ZNF830: variants seen among roughly 807,000 people sequenced by gnomAD.
ZNF830 encodes the protein coiled-coil domain containing 16.
A neutral mutation model predicts 28.1 loss-of-function variants in ZNF830; 15 were observed. The observed-to-expected ratio is 0.53, with a 90% CI of 0.36 to 0.82. The LOEUF is 0.82. Among genes scored for constraint, ZNF830 ranks in the 40% least tolerant of loss-of-function variants. The pLI, the probability that ZNF830 is intolerant of heterozygous loss-of-function variation, is 0.01. For missense variants in ZNF830, 456 were observed against 467.7 expected (o/e 0.97, Z 0.23); for synonymous variants, 208 against 185.3 (o/e 1.12, Z -0.99).
rs1396880462 is a variant in ZNF830 at position 34,963,095 on chromosome 17, A to G, written c.*410A>G. 5.8e-6 allele frequency: 1 copy of G among 171,410 alleles called. No homozygotes were observed. The highest frequency in any genetic ancestry group is 2.4e-5 in the African/African-American group (1 of 41,582). The allele number at this position is 171,410 out of a possible 1,614,324, so 10.6% of individuals were successfully genotyped here. ...GGAATGTATGTATCTTCTGAACCCT[A>G]CATCAAGTTGAAAAGGTTTGTTTTC... On this transcript the variant is annotated 3_prime_UTR_variant, in exon 1 of 1. Transcript: ENST00000361952.
At position 34,962,410 on chromosome 17, in the gene ZNF830, A is replaced by T; in HGVS notation, c.844A>T (p.Arg282Trp). ...KEWDEFQKAMRQVNTISEAIV... is the reference protein window; with the variant it reads ...KEWDEFQKAMWQVNTISEAIV... ...GTGGGACGAATTCCAAAAAGCCATG[A>T]GGCAGGTCAACACTATTTCCGAAGC... Residue 282 changes from arginine to tryptophan, a missense_variant, in exon 1 of 1, where the codon AGG becomes TGG. This residue lies in a region of ZNF830 where 125 missense variants were observed against 177.7 expected (regional missense o/e 0.70). Transcript: ENST00000361952. 1 of 1,614,224 alleles carries T rather than the reference A, an allele frequency of 6.2e-7. No homozygotes were observed. Among genetic ancestry groups the T allele is most frequent in the South Asian group, 1.1e-5 (1 of 91,084 alleles).
Position 34,961,688 on chromosome 17 carries a change from C to T in ZNF830, c.122C>T (p.Pro41Leu). 6.2e-7 allele frequency: 1 copy of T among 1,614,196 alleles called. No individual in the cohort carries two copies. The highest frequency in any genetic ancestry group is 8.5e-7 in the Non-Finnish European group (1 of 1,180,024). Residue 41 changes from proline to leucine, a missense_variant, in exon 1 of 1, where the codon CCA (proline) becomes CTA (leucine). Physicochemically the swap from Pro to Leu is moderately conservative, Grantham distance 98 (BLOSUM62 -3). Around this residue, in one of 2 missense-constraint regions of ZNF830, gnomAD observed 331 missense variants for 290.1 expected, o/e 1.14. Coordinates refer to ENST00000361952, the MANE Select transcript of ZNF830 (RefSeq NM_052857.4). The stretch of plus-strand genomic sequence containing the variant: ...ACCAGTCGGAAACGGATAGAATCTC[C>T]ATTCGCGAAGTACAACCGTTTGGGG... ...LSTSRKRIES[P>L]FAKYNRLGQL...
Position 34,962,969 on chromosome 17 carries a change from T to C in ZNF830, c.*284T>C, listed in dbSNP as rs539366575. On this transcript the variant is annotated 3_prime_UTR_variant, in exon 1 of 1. Transcript: ENST00000361952. ...ATTTCGTTGTAAAATCTGTAAGTTG[T>C]AAATATTGTACATAGTTAAATCTGT... 3.1e-6 allele frequency: 1 copy of C among 322,530 alleles called. No individual in the cohort carries two copies. Among genetic ancestry groups the C allele is most frequent in the Admixed American group, 4.7e-5 (1 of 21,230 alleles). The allele number at this position is 322,530 out of a possible 1,614,324, so 20.0% of individuals were successfully genotyped here.
rs371380627 is a variant in ZNF830, at chr17:34,962,013, G to C, written c.447G>C (p.Lys149Asn). The change falls in exon 1 of 1, where the codon AAG becomes AAC. Residue 149 changes from lysine to asparagine, a missense_variant. Transcript: ENST00000361952. ...GKEFIRATPS[K>N]PSGLSLLPDY... The stretch of plus-strand genomic sequence containing the variant: ...AGTTCATTAGAGCGACTCCCAGTAA[G>C]CCTTCAGGACTCAGTTTACTCCCCG... 7 of 1,614,030 alleles carry C rather than the reference G, an allele frequency of 4.3e-6. No homozygotes were observed. In the African/African-American group the frequency reaches 8.0e-5, roughly 18 times the overall value.
At position 34,962,801 on chromosome 17, in the gene ZNF830, G is replaced by A; in HGVS notation, c.*116G>A. The A allele has an allele frequency of 6.9e-7, 1 of 1,456,100 alleles. No homozygotes were observed. Among genetic ancestry groups the A allele is most frequent in the Non-Finnish European group, 9.1e-7 (1 of 1,104,176 alleles). The allele number at this position is 1,456,100 out of a possible 1,614,324, so 90.2% of individuals were successfully genotyped here. On this transcript the variant is annotated 3_prime_UTR_variant, in exon 1 of 1. Coordinates refer to ENST00000361952, the MANE Select transcript of ZNF830 (RefSeq NM_052857.4). Reference sequence around the variant, plus strand: ...ATTTGGGTACCTGGATTGCTAAACTGGATTGTTGAGATAAAATGAGCCAGT... The same window carrying A: ...ATTTGGGTACCTGGATTGCTAAACTAGATTGTTGAGATAAAATGAGCCAGT...
Position 34,962,378 on chromosome 17 carries a change from A to G in ZNF830, c.812A>G (p.Asp271Gly). ...GTTGATGCTCCAAAAGATCAGATGG[A>G]CAAAGAGTGGGACGAATTCCAAAAA... ...RKVDAPKDQM[D>G]KEWDEFQKAM... The change falls in exon 1 of 1, where the codon GAC (aspartate) becomes GGC (glycine). Residue 271 changes from aspartate to glycine, a missense_variant. Asp to Gly is a moderately conservative substitution (Grantham distance 94). Transcript: ENST00000361952. 1.9e-6 allele frequency: 3 copies of G among 1,614,166 alleles called. No homozygotes were observed. The highest frequency in any genetic ancestry group is 2.5e-6 in the Non-Finnish European group (3 of 1,180,044).
rs144252754 is a variant in ZNF830 at position 34,961,781 on chromosome 17, G to C, written c.215G>C (p.Gly72Ala). 6.2e-7 allele frequency: 1 copy of C among 1,613,976 alleles called. No individual in the cohort carries two copies. Among genetic ancestry groups the C allele is most frequent in the Non-Finnish European group, 8.5e-7 (1 of 1,180,046 alleles). ...CTCCTGTGGCAGACTCACGTCCTGG[G>C]AAAGCAGCACCGAGAGAAAGTGGCC... ...SELLWQTHVLGKQHREKVAEL... is the reference protein window; with the variant it reads ...SELLWQTHVLAKQHREKVAEL... Residue 72 changes from glycine (G) to alanine (A), a missense_variant, in exon 1 of 1, where the codon GGA (glycine) becomes GCA (alanine). Physicochemically the swap from Gly to Ala is moderately conservative, Grantham distance 60. Coordinates refer to ENST00000361952, the MANE Select transcript of ZNF830 (RefSeq NM_052857.4).
At position 34,962,217 on chromosome 17, in the gene ZNF830, C is replaced by T. The variant is rs150802233; in HGVS notation, c.651C>T (p.Ala217=). ...NDFFSTNPPK[A]PIIPHSGSIE... ...TCTTTAGTACTAATCCTCCCAAGGC[C>T]CCCATAATTCCTCATTCAGGGTCAA... The change falls in exon 1 of 1, where the codon GCC becomes GCT. Residue 217 remains alanine, a synonymous_variant. Coordinates refer to ENST00000361952, the MANE Select transcript of ZNF830 (RefSeq NM_052857.4). 1 of 1,613,818 alleles carries T rather than the reference C, an allele frequency of 6.2e-7. No homozygotes were observed. Among genetic ancestry groups the T allele is most frequent in the Non-Finnish European group, 8.5e-7 (1 of 1,180,050 alleles).
At position 34,961,739 on chromosome 17, in the gene ZNF830, C is replaced by T; in HGVS notation, c.173C>T (p.Thr58Ile). Residue 58 changes from threonine (T) to isoleucine (I), a missense_variant, in exon 1 of 1, where the codon ACT becomes ATT. By Grantham distance (89) the Thr-to-Ile change is moderately conservative (BLOSUM62 -1). Coordinates refer to ENST00000361952, the MANE Select transcript of ZNF830 (RefSeq NM_052857.4). ...LGQLSCALCNTPVKSELLWQT... is the reference protein window; with the variant it reads ...LGQLSCALCNIPVKSELLWQT... ...CAGCTGAGTTGTGCCCTGTGTAACA[C>T]TCCGGTTAAGAGCGAGCTCCTGTGG... The T allele has an allele frequency of 1.2e-6, 2 of 1,614,144 alleles. No homozygotes were observed. Among genetic ancestry groups the T allele is most frequent in the Non-Finnish European group, 1.7e-6 (2 of 1,180,032 alleles).
rs1394725900 is a variant in ZNF830 at position 34,962,360 on chromosome 17, C to T, written c.794C>T (p.Ala265Val). Residue 265 changes from alanine (A) to valine (V), a missense_variant, in exon 1 of 1, where the codon GCT (alanine) becomes GTT (valine). By Grantham distance (64) the Ala-to-Val change is moderately conservative. This residue lies in a region of ZNF830 where 125 missense variants were observed against 177.7 expected (regional missense o/e 0.70). Transcript: ENST00000361952. ...EVDARVRKVD[A>V]PKDQMDKEWD... ...GATGCAAGAGTACGAAAGGTTGATG[C>T]TCCAAAAGATCAGATGGACAAAGAG... 5 of 1,614,080 alleles carry T rather than the reference C, an allele frequency of 3.1e-6. No homozygotes were observed. Among genetic ancestry groups the T allele is most frequent in the South Asian group, 1.1e-5 (1 of 91,078 alleles).
In ZNF830 at chr17:34,962,088, A is replaced by G. The variant is rs1254613966; in HGVS notation, c.522A>G (p.Glu174=). The G allele has an allele frequency of 6.2e-7, 1 of 1,614,138 alleles. No individual in the cohort carries two copies. The highest frequency in any genetic ancestry group is 1.7e-5 in the Admixed American group (1 of 60,020). The change falls in exon 1 of 1, where the codon GAA becomes GAG. Residue 174 remains glutamate (E), a synonymous_variant. Coordinates refer to ENST00000361952, the MANE Select transcript of ZNF830 (RefSeq NM_052857.4). ...EEEEEEEGDG[E]RKRGDASKPL... ...AAGAGGAGGAGGAAGGAGATGGAGA[A>G]AGAAAAAGGGGGGACGCCAGCAAGC... is the stretch of plus-strand genomic sequence containing the variant.
chr17:34,962,771 T>C lies in ZNF830; in HGVS notation c.*86T>C. Reference sequence around the variant, plus strand: ...AGTAGTATAGCGGTTACTTCATGCCTCAAGATTTGGGTACCTGGATTGCTA... The same window carrying C: ...AGTAGTATAGCGGTTACTTCATGCCCCAAGATTTGGGTACCTGGATTGCTA... On this transcript the variant is annotated 3_prime_UTR_variant, in exon 1 of 1. Transcript: ENST00000361952. The C allele has an allele frequency of 6.7e-7, 1 of 1,482,722 alleles. No individual in the cohort carries two copies. The highest frequency in any genetic ancestry group is 1.5e-5 in the South Asian group (1 of 66,326). 91.8% of individuals were successfully genotyped at this position (1,482,722 alleles called of 1,614,324 possible).
rs1262942430 is a variant in ZNF830, at chr17:34,962,823, C to T, written c.*138C>T. ...ACTGGATTGTTGAGATAAAATGAGC[C>T]AGTGAGCTACAGCACTTTGGAAAAT... On this transcript the variant is annotated 3_prime_UTR_variant, in exon 1 of 1. Transcript: ENST00000361952. 1 of 1,399,374 alleles carries T rather than the reference C, an allele frequency of 7.1e-7. No individual in the cohort carries two copies. The highest frequency in any genetic ancestry group is 1.5e-5 in the African/African-American group (1 of 68,196). The allele number at this position is 1,399,374 out of a possible 1,614,324, so 86.7% of individuals were successfully genotyped here. A position where few individuals can be genotyped will look rare whatever the true frequency, so the allele number is the denominator to read the frequency against.
In ZNF830 at chr17:34,962,861, T is replaced by C; in HGVS notation, c.*176T>C. ...CACTTTGGAAAATTTGTGTAACATG[T>C]TTTTGAGGTAAAGTTGTTTTTGAAA... On this transcript the variant is annotated 3_prime_UTR_variant, in exon 1 of 1. Coordinates refer to ENST00000361952, the MANE Select transcript of ZNF830 (RefSeq NM_052857.4). 1 of 1,167,720 alleles carries C rather than the reference T, an allele frequency of 8.6e-7. No individual in the cohort carries two copies. The highest frequency in any genetic ancestry group is 1.1e-6 in the Non-Finnish European group (1 of 880,882). 72.3% of individuals were successfully genotyped at this position (1,167,720 alleles called of 1,614,324 possible). A position where few individuals can be genotyped will look rare whatever the true frequency, so the allele number is the denominator to read the frequency against.
rs920918869 is a variant in ZNF830, at chr17:34,962,950, T to C, written c.*265T>C. 8.1e-6 allele frequency: 3 copies of C among 369,806 alleles called. No individual in the cohort carries two copies. Among genetic ancestry groups the C allele is most frequent in the Non-Finnish European group, 4.8e-6 (1 of 206,524 alleles). The allele number at this position is 369,806 out of a possible 1,614,324, so 22.9% of individuals were successfully genotyped here. On this transcript the variant is annotated 3_prime_UTR_variant, in exon 1 of 1. Transcript: ENST00000361952. ...CGACAGACTTAACTGTATAATTTCG[T>C]TGTAAAATCTGTAAGTTGTAAATAT...
Position 34,962,944 on chromosome 17 carries a change from A to T in ZNF830, c.*259A>T, listed in dbSNP as rs1186685595. 7.8e-6 allele frequency: 3 copies of T among 384,896 alleles called. No individual in the cohort carries two copies. Among genetic ancestry groups the T allele is most frequent in the African/African-American group, 6.3e-5 (3 of 47,578 alleles). 23.8% of individuals were successfully genotyped at this position (384,896 alleles called of 1,614,324 possible). The stretch of plus-strand genomic sequence containing the variant: ...TTTCCACGACAGACTTAACTGTATA[A>T]TTTCGTTGTAAAATCTGTAAGTTGT... On this transcript the variant is annotated 3_prime_UTR_variant, in exon 1 of 1. Transcript: ENST00000361952.
At position 34,962,969 on chromosome 17, in the gene ZNF830, T is replaced by A; in HGVS notation, c.*284T>A. The A allele has an allele frequency of 3.1e-6, 1 of 322,530 alleles. No individual in the cohort carries two copies. 20.0% of individuals were successfully genotyped at this position (322,530 alleles called of 1,614,324 possible). ...ATTTCGTTGTAAAATCTGTAAGTTG[T>A]AAATATTGTACATAGTTAAATCTGT... On this transcript the variant is annotated 3_prime_UTR_variant, in exon 1 of 1. Coordinates refer to ENST00000361952, the MANE Select transcript of ZNF830 (RefSeq NM_052857.4).
chr17:34,962,536 C>T lies in ZNF830; in HGVS notation c.970C>T (p.Arg324Cys). The T allele has an allele frequency of 6.2e-7, 1 of 1,613,886 alleles. No homozygotes were observed. Among genetic ancestry groups the T allele is most frequent in the South Asian group, 1.1e-5 (1 of 91,070 alleles). Reference sequence around the variant, plus strand: ...CCGACGGGTGGAAAAGCTACGGAATCGCCAGGATGAAATAAAAAATAAACT... The same window carrying T: ...CCGACGGGTGGAAAAGCTACGGAATTGCCAGGATGAAATAAAAAATAAACT... ...CYRRVEKLRN[R>C]QDEIKNKLKE... is the part of the protein sequence containing the mutation. The change falls in exon 1 of 1, where the codon CGC (arginine) becomes TGC (cysteine). Residue 324 changes from arginine (R) to cysteine (C), a missense_variant. By Grantham distance (180) the Arg-to-Cys change is radical. This residue lies in a region of ZNF830 where 125 missense variants were observed against 177.7 expected (regional missense o/e 0.70). Transcript: ENST00000361952.
In ZNF830 at chr17:34,961,553, G is replaced by C; in HGVS notation, c.-14G>C. 6.2e-7 allele frequency: 1 copy of C among 1,611,876 alleles called. No homozygotes were observed. The highest frequency in any genetic ancestry group is 8.5e-7 in the Non-Finnish European group (1 of 1,178,546). ...CCGACGGAAACCAGAATCGTTTTGGGTCTGGTCGCCAAGATGGCGTCCTCC... is the reference window on the plus strand; with the variant it reads ...CCGACGGAAACCAGAATCGTTTTGGCTCTGGTCGCCAAGATGGCGTCCTCC... On this transcript the variant is annotated 5_prime_UTR_variant, in exon 1 of 1. Transcript: ENST00000361952.
Sources: allele counts gnomAD v4.1 joint callset, GRCh38; gene constraint gnomAD v4.1.1; regional missense constraint gnomAD v4.1.1; transcripts MANE v1.5; gene names NCBI Gene and HGNC (gene_info 2026-07-23, HGNC 2026-07-21).